The following CASD1 variants were observed in gnomAD, a reference collection of about 807,000 sequenced individuals.
CASD1 encodes CAS1 domain sialic acid O acetyltransferase 1.
Under a neutral mutation model 100.0 loss-of-function variants are expected in CASD1, and 41 were observed. That is an observed-to-expected ratio of 0.41 (90% CI 0.32 to 0.53). The LOEUF (loss-of-function observed/expected upper bound fraction) is 0.53, where lower values mean the gene tolerates loss of function less well. CASD1 is among the 20% of genes least tolerant of loss of function. CASD1 has a pLI of 0.25. For synonymous variants in CASD1, 321 were observed against 315.6 expected (o/e 1.02, Z -0.18); for missense variants, 774 against 948.7 (o/e 0.82, Z 2.42).
At chr7:94,569,810 G>A in the CASD1 span, among the ~76,000 whole-genome samples, 1 of 144,450 alleles carries the variant, frequency 6.9e-6, no homozygotes, top group African/African-American at 2.6e-5. Context: ...ACCAATCTCT[G>A]ACTTTTTTTT....
At chr7:94,619,048 T>G in the CASD1 span, 1 of 900,232 alleles carries the variant, frequency 1.1e-6, no homozygotes, top group Non-Finnish European at 1.8e-6. Context: ...TTGAGTTCTG[T>G]CATAATCCTG....
At chr7:94,531,871 C>A (rs1170337498) in intron 5 of CASD1, among the ~76,000 whole-genome samples, 1 of 152,028 alleles carries the variant, frequency 6.6e-6, no homozygotes, top group Non-Finnish European at 1.5e-5. Flanking sequence ...TTCCGACTTA[C>A]CTGGCAGGCC....
the CASD1 span, chr7:94,629,928 G>C: frequency 1.8e-5 from 27 of 1,485,550 alleles, no homozygotes; most frequent in Non-Finnish European, 2.4e-5. Flanking sequence ...TTATAAAGAG[G>C]GGTCTCACTA....
Position 94,552,407 on chromosome 7 carries a change from C to G in CASD1, c.2014C>G (p.Pro672Ala). The change falls in exon 16 of 18, where the codon CCG becomes GCG. Residue 672 changes from proline (P) to alanine (A), a missense_variant. This residue lies in a region of CASD1 where 175 missense variants were observed against 206.9 expected (regional missense o/e 0.85). Transcript: ENST00000297273. ...CAAAGCAGAGTGCAATGAACTCCAT[C>G]CGTCTGTTTCTGTGGTACAGGTACT... ...KNKAECNELH[P>A]SVSVVQILAF... 6.2e-6 allele frequency: 10 copies of G among 1,610,158 alleles called. No homozygotes were observed. The highest frequency in any genetic ancestry group is 8.5e-6 in the Non-Finnish European group (10 of 1,178,486).
the CASD1 span, chr7:94,618,210 C>T: frequency 6.5e-6 from 1 of 153,710 alleles, no homozygotes; most frequent in Non-Finnish European, 1.4e-5. Flanking sequence ...CATATCCCCA[C>T]AGGAACAGAT....
At chr7:94,597,430 A>G in the CASD1 span, 2 of 152,142 alleles carry the variant, frequency 1.3e-5, no homozygotes, top group Admixed American at 1.3e-4. Context: ...TCAAATTACC[A>G]CATGCATTCT....
At chr7:94,526,943 A>T (rs1318707513) in intron 3 of CASD1, among the ~76,000 whole-genome samples, 1 of 152,196 alleles carries the variant, frequency 6.6e-6, no homozygotes, top group African/African-American at 2.4e-5. Flanking sequence ...TATATCTTAG[A>T]TGTTGAAAAT....
At chr7:94,557,399 T>C (rs1445150494), downstream of CASD1, among the ~76,000 whole-genome samples, 2 of 152,116 alleles carry the variant, frequency 1.3e-5, no homozygotes, top group Non-Finnish European at 2.9e-5. Flanking sequence ...TTCATTGCTC[T>C]GCCTCCTAGA....
At chr7:94,522,619 G>A (rs1266054383) in intron 3 of CASD1, among the ~76,000 whole-genome samples, 1 of 151,526 alleles carries the variant, frequency 6.6e-6, no homozygotes, top group African/African-American at 2.4e-5. Flanking sequence ...TCAGGGAAAT[G>A]TTTGTTTGAA....
the CASD1 span, among the ~76,000 whole-genome samples, chr7:94,616,107 A>T: frequency 1.6e-4 from 25 of 151,878 alleles, no homozygotes; most frequent in African/African-American, 5.5e-4. Flanking sequence ...TGCAGAGATT[A>T]AAAAAAATGC....
intron 3 of CASD1, chr7:94,524,133 A>G (rs1584387587): frequency 6.6e-6 from 1 of 152,122 alleles, no homozygotes; most frequent in Non-Finnish European, 1.5e-5. Context: ...TCATTATCTC[A>G]AGGTAGGGAA....
the CASD1 span, chr7:94,599,189 A>ACAT: frequency 2.1e-6 from 1 of 485,696 alleles, no homozygotes; most frequent in Non-Finnish European, 3.6e-6. Flanking sequence ...GTGTTTTATT[A>ACAT]AACTAAGCTA....
At position 94,541,537 on chromosome 7, in the gene CASD1, G is replaced by GTTTTTT. The variant is rs56786123; in HGVS notation, c.1356+2506_1356+2511dup. On this transcript the variant is annotated intron_variant, in intron 10 of 17. Transcript: ENST00000297273. ...ACAGTAGGTGATTTGTGTTCCACTG[G>GTTTTTT]TTTTTTTTTTTTTTTTTTTTTTTTT... is the stretch of plus-strand genomic sequence containing the variant. Among the ~76,000 whole-genome samples the GTTTTTT allele has an allele frequency of 1.8e-4, 11 of 60,116 alleles. 1 individual carries two copies. Among genetic ancestry groups the GTTTTTT allele is most frequent in the Non-Finnish European group, 2.6e-4 (9 of 35,198 alleles). The allele number at this position is 60,116 out of a possible 152,430, so 39.4% of individuals were successfully genotyped here.
the CASD1 span, chr7:94,594,306 G>A: frequency 1.3e-5 from 2 of 152,032 alleles, no homozygotes; most frequent in Non-Finnish European, 2.9e-5. Context: ...TAAGACAAAT[G>A]TCTATAGGGG....
At chr7:94,529,359 T>C (rs1794738095) in intron 5 of CASD1, among the ~76,000 whole-genome samples, 1 of 152,182 alleles carries the variant, frequency 6.6e-6, no homozygotes, top group Non-Finnish European at 1.5e-5. Flanking sequence ...TGGAGATATA[T>C]TACATAACCA....
At chr7:94,557,376 A>T (rs190291622), downstream of CASD1, among the ~76,000 whole-genome samples, 521 of 152,154 alleles carry the variant, frequency 3.4e-3, 1 homozygote, top group South Asian at 0.015. Context: ...TCCCAGATAG[A>T]CAATTGTAAT....
chr7:94,524,862 C>T (rs1794477122), intron 3 of CASD1, among the ~76,000 whole-genome samples: 3 of 151,720 alleles, frequency 2.0e-5, no homozygotes. Flanking sequence ...GATGTGACAA[C>T]TAAATGTAAC....
chr7:94,601,709 G>A, the CASD1 span, among the ~76,000 whole-genome samples: 1 of 151,996 alleles, frequency 6.6e-6, no homozygotes, highest in South Asian at 2.1e-4. Context: ...TACAGTGTTA[G>A]TAAAAACTTT....
At chr7:94,551,526 CATT>C (rs1206430204) in intron 15 of CASD1, 48 bp downstream of exon 15, 19 of 798,666 alleles carry the variant, frequency 2.4e-5, no homozygotes, top group Non-Finnish European at 3.2e-5. Context: ...GGAATATTAA[CATT>C]AAGATATGGA....
Sources: allele counts gnomAD v4.1 joint callset (sites outside exome capture counted in the v4.1 genomes callset), GRCh38; gene constraint gnomAD v4.1.1; regional missense constraint gnomAD v4.1.1; transcripts MANE v1.5; gene names NCBI Gene and HGNC (gene_info 2026-07-23, HGNC 2026-07-21).